The following VWA8 variants were observed in gnomAD, a reference collection of about 807,000 sequenced individuals.
VWA8 encodes the protein von Willebrand factor A domain-containing protein 8.
A neutral mutation model predicts 241.5 loss-of-function variants in VWA8; 221 were observed. The ratio of observed to expected loss-of-function variants is 0.91; its 90% CI spans 0.82 to 1.02. The LOEUF (loss-of-function observed/expected upper bound fraction) is 1.02, where lower values mean the gene tolerates loss of function less well. VWA8 is among the 50% of genes least tolerant of loss of function. VWA8 has a pLI of 0.00. For missense variants in VWA8, 2,322 were observed against 2,328.7 expected (o/e 1.00, Z 0.06); for synonymous variants, 852 against 827.1 (o/e 1.03, Z -0.52).
rs1180311572 is a variant in VWA8 at position 41,938,659 on chromosome 13, A to T, written c.241+11277T>A. ...GAGTGAGACTGCGTCTCAAAAAAAA[A>T]AAAAATACATCTAAAGAAATCTCAA... On this transcript the variant is annotated intron_variant, in intron 2 of 44. Coordinates refer to ENST00000379310, the MANE Select transcript of VWA8 (RefSeq NM_015058.2). 1.3e-5 allele frequency among the ~76,000 whole-genome samples: 2 copies of T among 152,106 alleles called. 1 individual carries two copies. Among genetic ancestry groups the T allele is most frequent in the Non-Finnish European group, 2.9e-5 (2 of 68,006 alleles).
intron 24 of VWA8, among the ~76,000 whole-genome samples, chr13:41,723,614 C>A (rs1393856067): frequency 6.6e-6 from 1 of 151,478 alleles, no homozygotes; most frequent in South Asian, 2.1e-4. Context: ...GAGGGTATAG[C>A]CAATAAGATT....
chr13:41,817,803 G>T (rs1463142615), intron 15 of VWA8, among the ~76,000 whole-genome samples: 1 of 152,096 alleles, frequency 6.6e-6, no homozygotes, highest in Non-Finnish European at 1.5e-5. Context: ...ATGTTTCAAA[G>T]GGAATAAATG....
intron 35 of VWA8, among the ~76,000 whole-genome samples, chr13:41,676,879 T>A (rs1289739350): frequency 6.6e-6 from 1 of 152,092 alleles, no homozygotes; most frequent in Admixed American, 6.6e-5. Context: ...GTGATCTGCC[T>A]GCCTCGGTCT....
chr13:41,644,721 A>G (rs1030469951), intron 37 of VWA8, among the ~76,000 whole-genome samples: 5 of 152,256 alleles, frequency 3.3e-5, no homozygotes, highest in African/African-American at 1.2e-4. Context: ...GTAAACAGTT[A>G]TCTTACTTGT....
intron 4 of VWA8, among the ~76,000 whole-genome samples, chr13:41,902,389 T>C (rs1349005100): frequency 2.0e-5 from 3 of 152,214 alleles, no homozygotes; most frequent in African/African-American, 7.2e-5. Context: ...ATATTCATGC[T>C]GCTCGTCTTG....
At chr13:41,882,137 G>A (rs1254073949) in intron 9 of VWA8, among the ~76,000 whole-genome samples, 19 of 148,302 alleles carry the variant, frequency 1.3e-4, no homozygotes, top group East Asian at 4.1e-4. Context: ...GGTCGCGGCC[G>A]GGTGGAGGTG....
intron 39 of VWA8, among the ~76,000 whole-genome samples, chr13:41,608,413 T>C (rs1409347681): frequency 6.6e-6 from 1 of 152,172 alleles, no homozygotes; most frequent in Non-Finnish European, 1.5e-5. Context: ...TGGAAACATA[T>C]CTTTCTGCTT....
intron 5 of VWA8, 77 bp from the exon 6 acceptor site, chr13:41,887,438 CT>C: frequency 6.8e-7 from 1 of 1,465,042 alleles, no homozygotes; most frequent in Non-Finnish European, 9.2e-7. Flanking sequence ...AGTCCAGGGA[CT>C]TAGGACTTGA....
In VWA8 at chr13:41,865,822, G is replaced by A. The variant is rs374519725; in HGVS notation, c.1348-9C>T. 3.7e-6 allele frequency: 6 copies of A among 1,613,968 alleles called. No homozygotes were observed. The highest frequency in any genetic ancestry group is 1.7e-4 in the Middle Eastern group (1 of 6,058). On this transcript the variant is annotated splice_polypyrimidine_tract_variant and intron_variant, in intron 11 of 44. Transcript: ENST00000379310. ...ACTGTTTTTCCACAACCCTACAAAT[G>A]GAAAAAATTATTCAAGAGGTAAGTC...
chr13:41,825,561 C>A (rs1871141692), intron 14 of VWA8, among the ~76,000 whole-genome samples: 1 of 152,210 alleles, frequency 6.6e-6, no homozygotes, highest in South Asian at 2.1e-4. Context: ...AAGTGATACC[C>A]CCCGAGCATC....
intron 20 of VWA8, among the ~76,000 whole-genome samples, chr13:41,765,511 GA>G (rs1445274500): frequency 2.6e-5 from 4 of 152,290 alleles, no homozygotes; most frequent in Non-Finnish European, 5.9e-5. Flanking sequence ...TGAGCAAAAT[GA>G]AACAGTTATA....
rs183218717 is a variant in VWA8, at chr13:41,583,579, G to T, written c.5271+3933C>A. Among the ~76,000 whole-genome samples, 566 of 150,084 alleles carry T rather than the reference G, an allele frequency of 3.8e-3. 3 individuals carry two copies. Among genetic ancestry groups the T allele is most frequent in the Non-Finnish European group, 4.1e-3 (280 of 67,708 alleles). The stretch of plus-strand genomic sequence containing the variant: ...AATCGCTTGAACCTGGGAGGCGGAG[G>T]CTGCAGTGAGCCGAGATCACGCCAC... On this transcript the variant is annotated intron_variant, in intron 42 of 44. Coordinates refer to ENST00000379310, the MANE Select transcript of VWA8 (RefSeq NM_015058.2).
intron 20 of VWA8, among the ~76,000 whole-genome samples, chr13:41,763,093 C>A (rs1593754279): frequency 6.6e-6 from 1 of 151,678 alleles, no homozygotes; most frequent in African/African-American, 2.4e-5. Flanking sequence ...CACAGTGAGG[C>A]CTCATCTCTA....
intron 2 of VWA8, among the ~76,000 whole-genome samples, chr13:41,947,004 G>A (rs565241618): frequency 1.3e-5 from 2 of 152,198 alleles, no homozygotes; most frequent in African/African-American, 2.4e-5. Flanking sequence ...CCAGCCTGTC[G>A]TCAGCAAGAA....
At chr13:41,856,930 T>C (rs1872777832) in intron 12 of VWA8, among the ~76,000 whole-genome samples, 3 of 152,226 alleles carry the variant, frequency 2.0e-5, no homozygotes, top group Middle Eastern at 6.8e-3. Context: ...CATATATTTG[T>C]TGGATATCTT....
At chr13:41,586,474 A>G (rs775380805) in intron 42 of VWA8, among the ~76,000 whole-genome samples, 4 of 152,240 alleles carry the variant, frequency 2.6e-5, no homozygotes, top group Non-Finnish European at 5.9e-5. Flanking sequence ...CATAGCATTC[A>G]TTAGCTGAAG....
chr13:41,842,316 T>C (rs928370568), intron 12 of VWA8, among the ~76,000 whole-genome samples: 2 of 152,176 alleles, frequency 1.3e-5, no homozygotes, highest in Non-Finnish European at 2.9e-5. Context: ...TTTACATATA[T>C]TGTAAAATTA....
intron 37 of VWA8, among the ~76,000 whole-genome samples, chr13:41,638,392 A>G (rs2044772977): frequency 6.6e-6 from 1 of 152,210 alleles, no homozygotes; most frequent in African/African-American, 2.4e-5. Context: ...ACCTGAAACC[A>G]CGGAAGTGAA....
rs1869016765 is a variant in VWA8 at position 41,783,883 on chromosome 13, G to A, written c.2189C>T (p.Thr730Ile). 2 of 1,613,390 alleles carry A rather than the reference G, an allele frequency of 1.2e-6. No homozygotes were observed. Among genetic ancestry groups the A allele is most frequent in the Non-Finnish European group, 1.7e-6 (2 of 1,179,682 alleles). The change falls in exon 19 of 45, where the codon ACT (threonine) becomes ATT (isoleucine). Residue 730 changes from threonine (T) to isoleucine (I), a missense_variant. Thr to Ile is a moderately conservative substitution (Grantham distance 89). Coordinates refer to ENST00000379310, the MANE Select transcript of VWA8 (RefSeq NM_015058.2). Reference sequence around the variant, plus strand: ...TGCACTAACAGCACCAATCCTCAGAGTTCCAGATGTTACTTCACCTAAACA... The same window carrying A: ...TGCACTAACAGCACCAATCCTCAGAATTCCAGATGTTACTTCACCTAAACA... ...KDYKCEVTSG[T>I]LRIGAVSAPI... is the part of the protein sequence containing the mutation.
Sources: gnomAD v4.1 joint callset for allele counts (sites outside exome capture counted in the v4.1 genomes callset) on GRCh38, gnomAD v4.1.1 for gene constraint, MANE v1.5 for transcripts, NCBI Gene and HGNC (gene_info 2026-07-23, HGNC 2026-07-21) for gene names.